Variants in RAB11FIP3 observed in about 807,000 individuals in gnomAD.
The protein encoded by RAB11FIP3 is RAB11 family interacting protein 3, also known as rab11 family-interacting protein 3.
A neutral mutation model predicts 77.8 loss-of-function variants in RAB11FIP3; 17 were observed. The observed-to-expected ratio is 0.22, with a 90% CI of 0.15 to 0.33. RAB11FIP3 has a LOEUF of 0.33. Among genes scored for constraint, RAB11FIP3 ranks in the 10% least tolerant of loss-of-function variants. The probability of loss-of-function intolerance (pLI) is 1.00; values close to 1 mark genes in which losing one functional copy is unlikely to be tolerated. For synonymous variants in RAB11FIP3, 437 were observed against 448.2 expected (o/e 0.98, Z 0.31); for missense variants, 1,005 against 1,011.2 (o/e 0.99, Z 0.08).
At chr16:478,682 T>C (rs1401522774) in intron 3 of RAB11FIP3, among the ~76,000 whole-genome samples, 1 of 152,222 alleles carries the variant, frequency 6.6e-6, no homozygotes. Context: ...ATTGAAAATG[T>C]TGGCTGGGCA....
intron 1 of RAB11FIP3, among the ~76,000 whole-genome samples, chr16:428,105 A>AAAG (rs1208660732): frequency 6.6e-6 from 1 of 151,628 alleles, no homozygotes; most frequent in African/African-American, 2.4e-5. Context: ...CGTCTCAAAA[A>AAAG]AAAAAAACAG....
At chr16:516,204 T>G (rs1170350854) in intron 9 of RAB11FIP3, among the ~76,000 whole-genome samples, 1 of 152,222 alleles carries the variant, frequency 6.6e-6, no homozygotes, top group East Asian at 1.9e-4. Context: ...AGCCCTGTGC[T>G]GCCCCTGGGT....
At chr16:440,594 C>A (rs2055209244) in intron 1 of RAB11FIP3, among the ~76,000 whole-genome samples, 1 of 152,212 alleles carries the variant, frequency 6.6e-6, no homozygotes, top group African/African-American at 2.4e-5. Flanking sequence ...CTGAAAGATC[C>A]CCTTGCTTTG....
intron 3 of RAB11FIP3, chr16:477,788 C>A (rs568762078): frequency 9.6e-4 from 557 of 582,034 alleles, no homozygotes; most frequent in Non-Finnish European, 1.2e-3. Flanking sequence ...TAATTGGACA[C>A]CCAGAGTAGG....
At chr16:451,416 G>C (rs1295212927) in intron 1 of RAB11FIP3, 1 of 152,168 alleles carries the variant, frequency 6.6e-6, no homozygotes, top group African/African-American at 2.4e-5. Context: ...AAGATGATTG[G>C]AGGGCAGCAG....
At chr16:439,300 T>C (rs2055186381) in intron 1 of RAB11FIP3, 1 of 152,394 alleles carries the variant, frequency 6.6e-6, no homozygotes, top group African/African-American at 2.4e-5. Context: ...TGTCTGTTCA[T>C]GGCTAGTCAA....
intron 4 of RAB11FIP3, among the ~76,000 whole-genome samples, chr16:485,161 G>A (rs985338819): frequency 2.6e-5 from 4 of 152,122 alleles, no homozygotes; most frequent in Non-Finnish European, 4.4e-5. Flanking sequence ...TGCTCAGCCC[G>A]GCTGTTGTGC....
intron 1 of RAB11FIP3, among the ~76,000 whole-genome samples, chr16:444,683 A>T (rs2055281389): frequency 1.3e-5 from 2 of 151,804 alleles, no homozygotes; most frequent in Non-Finnish European, 2.9e-5. Context: ...CCCTGTCTCT[A>T]TTAAAAAAGA....
intron 1 of RAB11FIP3, chr16:453,489 A>T (rs1477575837): frequency 6.6e-6 from 1 of 151,346 alleles, no homozygotes; most frequent in East Asian, 1.9e-4. Flanking sequence ...TTTATTCTAG[A>T]CTTTTCTAAA....
chr16:443,197 A>T (rs2055255236), intron 1 of RAB11FIP3, among the ~76,000 whole-genome samples: 1 of 152,170 alleles, frequency 6.6e-6, no homozygotes, highest in African/African-American at 2.4e-5. Flanking sequence ...CTTGCAGACT[A>T]AGAAATACCA....
At chr16:492,619 G>A (rs141864308) in intron 5 of RAB11FIP3, among the ~76,000 whole-genome samples, 72 of 150,236 alleles carry the variant, frequency 4.8e-4, no homozygotes, top group African/African-American at 1.7e-3. Flanking sequence ...TCAGCTAGGG[G>A]TTCAAGGCCC....
rs543190405 is a variant in RAB11FIP3 at position 518,175 on chromosome 16, A to C, written c.1641-768A>C. Among the ~76,000 whole-genome samples, 328 of 152,326 alleles carry C rather than the reference A, an allele frequency of 2.2e-3. 5 individuals carry two copies. Among genetic ancestry groups the C allele is most frequent in the African/African-American group, 7.6e-3 (315 of 41,564 alleles). On this transcript the variant is annotated intron_variant, in intron 9 of 13. Coordinates refer to ENST00000262305, the MANE Select transcript of RAB11FIP3 (RefSeq NM_014700.4). ...CTCACTGCAGCCTTGTACTTCCAGG[A>C]TCAAGTGATCCTCCTACCTCAGCCC...
At chr16:491,005 C>T in intron 5 of RAB11FIP3, 1 of 843,224 alleles carries the variant, frequency 1.2e-6, no homozygotes, top group East Asian at 6.7e-5. Context: ...CATTGCACAG[C>T]TCATTCTCTC....
intron 3 of RAB11FIP3, among the ~76,000 whole-genome samples, chr16:477,085 CAA>C (rs34127149): frequency 0.42 from 51,273 of 122,780 alleles, 11,228 homozygotes; most frequent in Middle Eastern, 0.54. Context: ...GACTCCGTCT[CAA>C]AAAAAAAAAA....
At chr16:446,353 G>C (rs2055317155) in intron 1 of RAB11FIP3, among the ~76,000 whole-genome samples, 1 of 152,212 alleles carries the variant, frequency 6.6e-6, no homozygotes, top group African/African-American at 2.4e-5. Flanking sequence ...AGAGAGGCAG[G>C]GCACTGAGGC....
chr16:461,603 CT>C lies in RAB11FIP3; in HGVS notation c.808+108del. ...CCTCGTGCTGACTCTAACATCTTTC[CT>C]TCTCCTTGAAGCCCCCAACATACCC... On this transcript the variant is annotated intron_variant, in intron 2 of 13. Transcript: ENST00000262305. The surrounding 1 kb of genome is among the most constrained non-coding windows in gnomAD (Gnocchi z 4.5). 1.1e-6 allele frequency: 1 copy of C among 929,924 alleles called. No individual in the cohort carries two copies. Among genetic ancestry groups the C allele is most frequent in the Non-Finnish European group, 1.7e-6 (1 of 598,946 alleles). 57.6% of individuals were successfully genotyped at this position (929,924 alleles called of 1,614,324 possible). A position where few individuals can be genotyped will look rare whatever the true frequency, so the allele number is the denominator to read the frequency against.
intron 2 of RAB11FIP3, among the ~76,000 whole-genome samples, chr16:468,496 A>G (rs1297332435): frequency 1.3e-5 from 2 of 152,104 alleles, no homozygotes; most frequent in African/African-American, 4.8e-5. Flanking sequence ...AAGAAAGGAA[A>G]ATGTGATCAT....
chr16:518,892 T>C (rs1271428915), intron 9 of RAB11FIP3, 51 bp from the exon 10 acceptor site: 1 of 1,593,946 alleles, frequency 6.3e-7, no homozygotes, highest in South Asian at 1.1e-5. Context: ...ACACTGGCCC[T>C]GTAGAGGCGA....
At chr16:513,787 CG>C in intron 9 of RAB11FIP3, among the ~76,000 whole-genome samples, 1 of 152,324 alleles carries the variant, frequency 6.6e-6, no homozygotes, top group South Asian at 2.1e-4. Flanking sequence ...GAGAGCTGTG[CG>C]GGACGCCCCA....
Sources: allele counts gnomAD v4.1 joint callset (sites outside exome capture counted in the v4.1 genomes callset), GRCh38; gene constraint gnomAD v4.1.1; non-coding constraint Gnocchi (gnomAD v3.1); transcripts MANE v1.5; gene names NCBI Gene and HGNC (gene_info 2026-07-23, HGNC 2026-07-21).